Variants in RBFOX1 observed in about 807,000 individuals in gnomAD.
The protein encoded by RBFOX1 is RNA binding protein fox-1 homolog 1.
A neutral mutation model predicts 57.7 loss-of-function variants in RBFOX1; 8 were observed. That is an observed-to-expected ratio of 0.14 (90% CI 0.08 to 0.25). RBFOX1 has a LOEUF of 0.25. Ranked by LOEUF, RBFOX1 falls within the 10% of genes least tolerant of loss-of-function variation. RBFOX1 has a pLI of 1.00. For synonymous variants in RBFOX1, 326 were observed against 222.4 expected (o/e 1.47, Z -4.15); for missense variants, 611 against 548.5 (o/e 1.11, Z -1.14).
At chr16:5,607,395 C>G (rs2047623095) in intron 3 of RBFOX1, among the ~76,000 whole-genome samples, 1 of 147,176 alleles carries the variant, frequency 6.8e-6, no homozygotes, top group African/African-American at 2.7e-5. Flanking sequence ...ACCTCAGGCA[C>G]AGATAGCGCA....
intron 3 of RBFOX1, among the ~76,000 whole-genome samples, chr16:5,678,827 A>G (rs1291081354): frequency 6.6e-6 from 1 of 152,220 alleles, no homozygotes; most frequent in African/African-American, 2.4e-5. Context: ...CTAGCACGTT[A>G]AATTTGCTAC....
chr16:6,914,459 A>G (rs2072570842), intron 3 of RBFOX1, among the ~76,000 whole-genome samples: 1 of 152,178 alleles, frequency 6.6e-6, no homozygotes, highest in Non-Finnish European at 1.5e-5. Context: ...TGCATTAATA[A>G]GAACACAGAC....
chr16:6,490,661 G>A (rs2095611806), intron 2 of RBFOX1, among the ~76,000 whole-genome samples: 1 of 152,148 alleles, frequency 6.6e-6, no homozygotes, highest in African/African-American at 2.4e-5. Context: ...AAGAAAGAAA[G>A]GGTCACCCAT....
At chr16:7,337,669 TG>T (rs1241060957) in intron 4 of RBFOX1, among the ~76,000 whole-genome samples, 9 of 152,136 alleles carry the variant, frequency 5.9e-5, no homozygotes, top group Non-Finnish European at 1.3e-4. Context: ...GAATGTTTTT[TG>T]TGTTTGTTTT....
chr16:6,451,037 C>T (rs1345138983), intron 2 of RBFOX1, among the ~76,000 whole-genome samples: 2 of 150,054 alleles, frequency 1.3e-5, no homozygotes, highest in East Asian at 4.0e-4. Context: ...ATTTTCCATT[C>T]TCCAACCACA....
intron 4 of RBFOX1, among the ~76,000 whole-genome samples, chr16:7,261,193 T>C (rs1436122780): frequency 1.3e-5 from 2 of 152,184 alleles, no homozygotes; most frequent in Admixed American, 6.5e-5. Context: ...GCTGTGTGAA[T>C]TTGGGTAAGT....
intron 1 of RBFOX1, among the ~76,000 whole-genome samples, chr16:6,300,711 C>T (rs78611186): frequency 0.022 from 3,402 of 152,228 alleles, 135 homozygotes; most frequent in African/African-American, 0.078. Context: ...AGCTTGTAGC[C>T]CTACTCTTTC....
At chr16:6,200,580 C>T (rs1477693907) in intron 1 of RBFOX1, among the ~76,000 whole-genome samples, 1 of 152,146 alleles carries the variant, frequency 6.6e-6, no homozygotes, top group Non-Finnish European at 1.5e-5. Context: ...AAGCACCACA[C>T]TAAAAAGTTT....
At chr16:6,707,822 C>G (rs904507134) in intron 3 of RBFOX1, among the ~76,000 whole-genome samples, 2 of 152,118 alleles carry the variant, frequency 1.3e-5, no homozygotes, top group Non-Finnish European at 2.9e-5. Context: ...TTTGCATCCG[C>G]CTTCTCCTTC....
At chr16:6,580,860 T>C (rs945792316) in intron 2 of RBFOX1, among the ~76,000 whole-genome samples, 7 of 151,396 alleles carry the variant, frequency 4.6e-5, no homozygotes, top group South Asian at 4.2e-4. Flanking sequence ...GATGCCTAAA[T>C]GGAACTCAAT....
At chr16:5,584,435 T>A (rs1176735667) in intron 2 of RBFOX1, among the ~76,000 whole-genome samples, 2 of 152,224 alleles carry the variant, frequency 1.3e-5, no homozygotes, top group African/African-American at 2.4e-5. Context: ...CTTCTTGATG[T>A]TCCGTCTTCC....
At chr16:5,999,013 T>C (rs1458430337) in intron 4 of RBFOX1, among the ~76,000 whole-genome samples, 1 of 152,210 alleles carries the variant, frequency 6.6e-6, no homozygotes, top group East Asian at 1.9e-4. Flanking sequence ...ACATTTATCC[T>C]GAATCATCTG....
chr16:7,487,146 C>G (rs762469710), intron 4 of RBFOX1, among the ~76,000 whole-genome samples: 1 of 152,126 alleles, frequency 6.6e-6, no homozygotes, highest in Non-Finnish European at 1.5e-5. Context: ...GTGATTTACC[C>G]GCCTCGGCCT....
chr16:5,309,652 C>T (rs2064031207), intron 1 of RBFOX1, among the ~76,000 whole-genome samples: 1 of 152,138 alleles, frequency 6.6e-6, no homozygotes, highest in South Asian at 2.1e-4. Context: ...TCTCATTCCT[C>T]ACTCCCCTCC....
chr16:7,455,660 G>A (rs2058350498), intron 4 of RBFOX1, among the ~76,000 whole-genome samples: 2 of 151,534 alleles, frequency 1.3e-5, no homozygotes, highest in Admixed American at 6.6e-5. Flanking sequence ...AGCCAGGCGT[G>A]GTTGTAGTCC....
At chr16:5,570,722 C>A (rs1285582052) in intron 2 of RBFOX1, among the ~76,000 whole-genome samples, 1 of 152,006 alleles carries the variant, frequency 6.6e-6, no homozygotes, top group Non-Finnish European at 1.5e-5. Context: ...CACCTGTAAT[C>A]CCAGTTACTC....
chr16:6,847,484 C>T (rs901396344), intron 3 of RBFOX1, among the ~76,000 whole-genome samples: 2 of 152,054 alleles, frequency 1.3e-5, no homozygotes, highest in Non-Finnish European at 1.5e-5. Flanking sequence ...GGCTGGAATC[C>T]TTACCACTGT....
intron 5 of RBFOX1, among the ~76,000 whole-genome samples, chr16:7,530,168 C>T (rs559379445): frequency 1.3e-5 from 2 of 152,198 alleles, no homozygotes; most frequent in Admixed American, 6.5e-5. Context: ...GCTTCATTTA[C>T]GAATGATGCT....
intron 5 of RBFOX1, among the ~76,000 whole-genome samples, chr16:7,557,485 TG>T: frequency 6.6e-6 from 1 of 151,458 alleles, no homozygotes; most frequent in South Asian, 2.1e-4. Context: ...CCAGGCATGG[TG>T]GTGGGTGCCT....
Sources: allele counts gnomAD v4.1 joint callset (sites outside exome capture counted in the v4.1 genomes callset), GRCh38; gene constraint gnomAD v4.1.1; transcripts MANE v1.5; gene names NCBI Gene and HGNC (gene_info 2026-07-23, HGNC 2026-07-21).